The following DRC4 variants were observed in gnomAD, a reference collection of about 807,000 sequenced individuals.
The protein encoded by DRC4 is GAS-11.
chr16:90,044,741 C>T, the DRC4 span: 1 of 403,602 alleles, frequency 2.5e-6, no homozygotes, highest in East Asian at 7.2e-5. Flanking sequence ...CTTGGGTGAG[C>T]AGACACAGTG....
At chr16:90,029,153 C>CAGGCTACGGGGCAGCCTAT in the DRC4 span, 1 of 1,347,268 alleles carries the variant, frequency 7.4e-7, no homozygotes, top group Non-Finnish European at 9.9e-7. Context: ...GGGCAGCCTA[C>CAGGCTACGGGGCAGCCTAT]GGGGCAGGCT....
At chr16:90,043,215 G>A in the DRC4 span, 18 of 1,613,066 alleles carry the variant, frequency 1.1e-5, no homozygotes, top group Admixed American at 1.3e-4. Flanking sequence ...GACCTGCTGC[G>A]CACGTATGAG....
At chr16:90,026,495 G>A in the DRC4 span, among the ~76,000 whole-genome samples, 342 of 152,252 alleles carry the variant, frequency 2.2e-3, 6 homozygotes, top group African/African-American at 8.0e-3. Context: ...AACCGATCGT[G>A]GTTATGGAGG....
At chr16:90,037,207 G>A in the DRC4 span, 1 of 1,583,020 alleles carries the variant, frequency 6.3e-7, no homozygotes, top group Non-Finnish European at 8.6e-7. Flanking sequence ...CTGAGCCCCT[G>A]CCGGGCCTGT....
chr16:90,026,234 T>G, the DRC4 span, among the ~76,000 whole-genome samples: 1 of 152,310 alleles, frequency 6.6e-6, no homozygotes, highest in East Asian at 1.9e-4. Flanking sequence ...GAGTGCCCTG[T>G]AAATGGGTGG....
the DRC4 span, chr16:90,027,922 G>C: frequency 6.9e-6 from 4 of 580,736 alleles, no homozygotes; most frequent in Non-Finnish European, 6.2e-6. Context: ...AGTGCAGCCT[G>C]TGAAAGAGCT....
chr16:90,021,874 A>AAAAAAAAAAAAAAG, the DRC4 span, among the ~76,000 whole-genome samples: 9 of 127,236 alleles, frequency 7.1e-5, 3 homozygotes, highest in Non-Finnish European at 6.4e-5. Flanking sequence ...AAAAAAAAAA[A>AAAAAAAAAAAAAAG]AAGCACCTGT....
At chr16:90,039,334 C>T in the DRC4 span, among the ~76,000 whole-genome samples, 2 of 151,990 alleles carry the variant, frequency 1.3e-5, no homozygotes, top group African/African-American at 4.8e-5. Flanking sequence ...TCAAATTTAT[C>T]AGCAAAATTT....
the DRC4 span, chr16:90,031,641 G>C: frequency 1.1e-6 from 1 of 872,902 alleles, no homozygotes; most frequent in Non-Finnish European, 1.7e-6. Context: ...AAGCCTGAGG[G>C]AGAGACCCTG....
the DRC4 span, among the ~76,000 whole-genome samples, chr16:90,024,846 C>A: frequency 1.2e-4 from 19 of 152,066 alleles, no homozygotes; most frequent in African/African-American, 4.3e-4. Flanking sequence ...AAAAATGCAA[C>A]AGCAAACACA....
At chr16:90,039,361 AT>A in the DRC4 span, among the ~76,000 whole-genome samples, 28 of 9,736 alleles carry the variant, frequency 2.9e-3, no homozygotes, top group Non-Finnish European at 5.1e-3. Context: ...CAAGGCAGTT[AT>A]TTATTTATTT....
the DRC4 span, among the ~76,000 whole-genome samples, chr16:90,040,994 C>G: frequency 6.6e-6 from 1 of 152,090 alleles, no homozygotes. Flanking sequence ...ACTGTGGCCC[C>G]GGGACTGAAA....
the DRC4 span, chr16:90,022,202 T>C: frequency 6.5e-6 from 1 of 153,288 alleles, no homozygotes; most frequent in African/African-American, 2.4e-5. Context: ...TTCTGCGTTT[T>C]TGAGGTGTGT....
At chr16:90,040,528 C>T in the DRC4 span, 1 of 1,574,690 alleles carries the variant, frequency 6.4e-7, no homozygotes, top group Non-Finnish European at 8.6e-7. Context: ...TAGACAGGCT[C>T]CTGACCCCAG....
the DRC4 span, chr16:90,043,296 G>C: frequency 2.5e-6 from 4 of 1,613,330 alleles, no homozygotes; most frequent in Non-Finnish European, 3.4e-6. Context: ...GCTGTGATCG[G>C]ACAGACACTG....
At chr16:90,036,128 A>T in the DRC4 span, 58 of 571,052 alleles carry the variant, frequency 1.0e-4, no homozygotes, top group South Asian at 1.2e-3. Context: ...AGCTGTTGGC[A>T]CCCCCAGTGC....
At chr16:90,036,587 G>A in the DRC4 span, 1 of 1,567,960 alleles carries the variant, frequency 6.4e-7, no homozygotes, top group Non-Finnish European at 8.7e-7. Context: ...CTCCCTCAAG[G>A]TGCTGTGCGT....
the DRC4 span, chr16:90,036,595 C>G: frequency 6.4e-7 from 1 of 1,562,772 alleles, no homozygotes; most frequent in African/African-American, 1.4e-5. Context: ...AGGTGCTGTG[C>G]GTGGGCTGGG....
chr16:90,029,305 C>T, the DRC4 span: 1 of 1,365,600 alleles, frequency 7.3e-7, no homozygotes, highest in Non-Finnish European at 9.8e-7. Flanking sequence ...ATGGGGGTGA[C>T]CTGGAGACTC....
Sources: gnomAD v4.1 joint callset for allele counts (sites outside exome capture counted in the v4.1 genomes callset) on GRCh38, gnomAD v4.1.1 for gene constraint, MANE v1.5 for transcripts, NCBI Gene and HGNC (gene_info 2026-07-23, HGNC 2026-07-21) for gene names.